The following PRELID2 variants were observed in gnomAD, a reference collection of about 807,000 sequenced individuals.
The protein encoded by PRELID2 is PRELI domain-containing protein 2.
Under a neutral mutation model 28.4 loss-of-function variants are expected in PRELID2, and 25 were observed. The ratio of observed to expected loss-of-function variants is 0.88; its 90% CI spans 0.64 to 1.23. PRELID2 has a LOEUF of 1.23. Among genes scored for constraint, PRELID2 ranks in the 50% most tolerant of loss-of-function variants. PRELID2 has a pLI of 0.00. For synonymous variants in PRELID2, 76 were observed against 71.6 expected (o/e 1.06, Z -0.31); for missense variants, 201 against 214.4 (o/e 0.94, Z 0.39).
the PRELID2 span, among the ~76,000 whole-genome samples, chr5:145,331,174 G>GCATAT: frequency 6.4e-4 from 98 of 152,274 alleles, no homozygotes; most frequent in Non-Finnish European, 1.1e-3. Context: ...TGCATTCACT[G>GCATAT]AGGAGTGTTT....
chr5:145,678,414 C>T (rs540701672), intron 1 of PRELID2, among the ~76,000 whole-genome samples: 126 of 152,284 alleles, frequency 8.3e-4, no homozygotes, highest in Middle Eastern at 3.4e-3. Context: ...TATTTGTTTG[C>T]ATGCTTTTAT....
chr5:145,821,190 C>G (rs1484597985), intron 2 of PRELID2, among the ~76,000 whole-genome samples: 767 of 31,342 alleles, frequency 0.024, no homozygotes, highest in Middle Eastern at 0.037. Flanking sequence ...TGTAAGTCCT[C>G]TTCTGTGTGT....
chr5:145,549,839 A>G (rs1752819451), intron 1 of PRELID2, among the ~76,000 whole-genome samples: 2 of 152,060 alleles, frequency 1.3e-5, no homozygotes, highest in East Asian at 1.9e-4. Flanking sequence ...ACTGAATATA[A>G]CTTTAGAGCT....
intron 6 of PRELID2, among the ~76,000 whole-genome samples, chr5:145,761,334 C>CA (rs761831406): frequency 2.0e-5 from 3 of 152,166 alleles, no homozygotes; most frequent in Non-Finnish European, 4.4e-5. Context: ...TGTGTACGCG[C>CA]ATTGGAACTT....
intron 1 of PRELID2, among the ~76,000 whole-genome samples, chr5:145,636,808 A>AT (rs1163735972): frequency 6.6e-6 from 1 of 152,242 alleles, no homozygotes; most frequent in East Asian, 1.9e-4. Flanking sequence ...CTCTTAAAGG[A>AT]TTAACCCAGT....
intron 4 of PRELID2, among the ~76,000 whole-genome samples, chr5:145,801,689 T>A (rs1298593091): frequency 6.6e-6 from 1 of 152,216 alleles, no homozygotes; most frequent in African/African-American, 2.4e-5. Context: ...CTTAATGTCA[T>A]GAGGATTCAT....
At chr5:145,231,863 T>C in the PRELID2 span, among the ~76,000 whole-genome samples, 4 of 152,298 alleles carry the variant, frequency 2.6e-5, no homozygotes, top group East Asian at 1.9e-4. Flanking sequence ...TATTCCTCTA[T>C]GGAGCAATGG....
the PRELID2 span, among the ~76,000 whole-genome samples, chr5:145,334,919 T>C: frequency 1.3e-5 from 2 of 152,140 alleles, no homozygotes; most frequent in African/African-American, 4.8e-5. Context: ...ATTCTCTCTT[T>C]TTCTTTTGAA....
Position 145,735,017 on chromosome 5 carries a change from C to T in PRELID2, n.70+29914G>A, listed in dbSNP as rs936338632. On this transcript the variant is annotated intron_variant and non_coding_transcript_variant, in intron 1 of 2. Coordinates refer to the PRELID2 transcript ENST00000510259. The stretch of plus-strand genomic sequence containing the variant: ...ATCCCAGCACTTTGGGAGGATAAGG[C>T]GGGCAGATCATGAAGTCAGGAATTC... Among the ~76,000 whole-genome samples, 10 of 152,108 alleles carry T rather than the reference C, an allele frequency of 6.6e-5. No homozygotes were observed. The East Asian group carries it at 1.5e-3, about 24-fold the overall frequency.
intron 1 of PRELID2, among the ~76,000 whole-genome samples, chr5:145,534,941 C>T (rs1051502207): frequency 2.0e-5 from 3 of 151,920 alleles, no homozygotes; most frequent in Admixed American, 6.6e-5. Context: ...TTTCGCTGAT[C>T]TAAGACTAAC....
intron 1 of PRELID2, among the ~76,000 whole-genome samples, chr5:145,536,074 G>A (rs1197734651): frequency 1.3e-5 from 2 of 151,872 alleles, no homozygotes; most frequent in African/African-American, 4.8e-5. Context: ...TGTTTCCACG[G>A]TGTACATCTC....
At chr5:145,438,269 G>C in the PRELID2 span, among the ~76,000 whole-genome samples, 3 of 151,748 alleles carry the variant, frequency 2.0e-5, no homozygotes, top group African/African-American at 7.3e-5. Flanking sequence ...GGAAAAAATA[G>C]AAAAGAAAAA....
At chr5:145,299,821 CT>C in the PRELID2 span, among the ~76,000 whole-genome samples, 1 of 152,018 alleles carries the variant, frequency 6.6e-6, no homozygotes, top group South Asian at 2.1e-4. Context: ...TCCTCATTAA[CT>C]AACTGGAATC....
intron 1 of PRELID2, among the ~76,000 whole-genome samples, chr5:145,650,522 A>G (rs10477281): frequency 0.073 from 7,190 of 98,866 alleles, 726 homozygotes; most frequent in African/African-American, 0.25. Flanking sequence ...ATCGAATCGC[A>G]CATATATACA....
intron 4 of PRELID2, among the ~76,000 whole-genome samples, chr5:145,817,203 AT>A (rs1561643671): frequency 0.055 from 4,322 of 79,000 alleles, 334 homozygotes; most frequent in East Asian, 0.12. Flanking sequence ...AAAAAAATAA[AT>A]AAATAAATAA....
At chr5:145,627,392 T>A (rs1041658131) in intron 1 of PRELID2, among the ~76,000 whole-genome samples, 1 of 152,124 alleles carries the variant, frequency 6.6e-6, no homozygotes, top group African/African-American at 2.4e-5. Context: ...GTGGGTACAA[T>A]GTACCCTATT....
chr5:145,793,887 A>T (rs1053350560), intron 5 of PRELID2, among the ~76,000 whole-genome samples: 7 of 152,046 alleles, frequency 4.6e-5, no homozygotes, highest in African/African-American at 1.7e-4. Context: ...AACTTTGGGG[A>T]GTATATATCC....
At chr5:145,795,491 G>A (rs541755780) in intron 5 of PRELID2, 1 of 152,184 alleles carries the variant, frequency 6.6e-6, no homozygotes, top group East Asian at 1.9e-4. Flanking sequence ...CCTAGTACAG[G>A]TTCATCCTTG....
chr5:145,428,706 A>C, the PRELID2 span, among the ~76,000 whole-genome samples: 52 of 152,318 alleles, frequency 3.4e-4, no homozygotes, highest in Admixed American at 8.5e-4. Context: ...AAACAGAGTG[A>C]GATGCAGAGA....
Sources: gnomAD v4.1 joint callset for allele counts (sites outside exome capture counted in the v4.1 genomes callset) on GRCh38, gnomAD v4.1.1 for gene constraint, MANE v1.5 for transcripts, NCBI Gene and HGNC (gene_info 2026-07-23, HGNC 2026-07-21) for gene names.